The following ABHD8 variants were observed in gnomAD, a reference collection of about 807,000 sequenced individuals.
ABHD8 encodes the protein protein ABHD8.
In ABHD8, 10 loss-of-function variants were observed where a neutral mutation model predicts 29.3. The ratio of observed to expected loss-of-function variants is 0.34; its 90% CI spans 0.21 to 0.58. The LOEUF is 0.58. Ranked by LOEUF, ABHD8 falls within the 20% of genes least tolerant of loss-of-function variation. The pLI, the probability that ABHD8 is intolerant of heterozygous loss-of-function variation, is 0.85. For synonymous variants in ABHD8, 282 were observed against 274.6 expected, an observed-to-expected ratio of 1.03 and a Z score of -0.27; for missense variants, 556 against 615.3, an observed-to-expected ratio of 0.90 and a Z score of 1.02.
chr19:17,300,809 G>T, intron 2 of ABHD8, 47 bp downstream of exon 2: 1 of 1,540,334 alleles, frequency 6.5e-7, no homozygotes, highest in Non-Finnish European at 8.8e-7. Context: ...TGTAGTCCCT[G>T]CTGACCCCAT....
chr19:17,292,365 G>T lies in ABHD8; in HGVS notation c.*296C>A, dbSNP rs1007683024. On this transcript the variant is annotated 3_prime_UTR_variant, in exon 5 of 5. Transcript: ENST00000247706. ...GGGGTGGGGGGCCTGCCTTGGCCGT[G>T]GCGTTGGGGGGAAGGTGAGGGAGAG... 5.5e-5 allele frequency: 24 copies of T among 436,344 alleles called. No homozygotes were observed. Among genetic ancestry groups the T allele is most frequent in the Admixed American group, 3.0e-4 (7 of 23,128 alleles). The allele number at this position is 436,344 out of a possible 1,614,324, so 27.0% of individuals were successfully genotyped here.
At chr19:17,294,616 G>T in intron 3 of ABHD8, 59 bp downstream of exon 3, 2 of 1,607,176 alleles carry the variant, frequency 1.2e-6, no homozygotes, top group South Asian at 2.2e-5. Context: ...CATCCAACTC[G>T]AGCAGATGCC....
intron 2 of ABHD8, 53 bp downstream of exon 2, chr19:17,300,803 G>T (rs2074113763): frequency 1.3e-6 from 2 of 1,523,622 alleles, no homozygotes; most frequent in African/African-American, 2.8e-5. Flanking sequence ...TGTGACTGTA[G>T]TCCCTGCTGA....
rs1036904356 is a variant in ABHD8 at position 17,301,247 on chromosome 19, G to A, written c.370C>T (p.Pro124Ser). The A allele has an allele frequency of 6.3e-7, 1 of 1,597,120 alleles. No individual in the cohort carries two copies. The highest frequency in any genetic ancestry group is 8.5e-7 in the Non-Finnish European group (1 of 1,174,906). ...PAALEVELAD[P>S]AGSDGRLAPG... The stretch of plus-strand genomic sequence containing the variant: ...GCCAAGCGGCCATCGCTGCCCGCCG[G>A]ATCTGCCAGCTCCACCTCCAGGGCG... Residue 124 changes from proline to serine, a missense_variant, in exon 2 of 5, where the codon CCG (proline) becomes TCG (serine). Pro to Ser is a moderately conservative substitution (Grantham distance 74). Transcript: ENST00000247706.
At chr19:17,294,234 C>G in intron 4 of ABHD8, 54 bp downstream of exon 4, 1 of 1,568,652 alleles carries the variant, frequency 6.4e-7, no homozygotes, top group Non-Finnish European at 8.6e-7. Context: ...CACGCCCCTC[C>G]CGGGCAGCAC....
rs199521781 is a variant in ABHD8, at chr19:17,294,316, G to C, written c.1121C>G (p.Pro374Arg). The part of the protein sequence containing the change: ...LVHGMHDKFV[P>R]VEEDQRMAEI... ...GGCCATGCGCTGGTCTTCCTCCACC[G>C]GCACAAACTTATCGTGCATGCCGTG... The change falls in exon 4 of 5, where the codon CCG (proline) becomes CGG (arginine). Residue 374 changes from proline to arginine, a missense_variant. By Grantham distance (103) the Pro-to-Arg change is moderately radical. Transcript: ENST00000247706. 6.2e-7 allele frequency: 1 copy of C among 1,609,014 alleles called. No homozygotes were observed. Among genetic ancestry groups the C allele is most frequent in the Non-Finnish European group, 8.5e-7 (1 of 1,179,846 alleles).
At position 17,292,845 on chromosome 19, in the gene ABHD8, A is replaced by T. The variant is rs1346232334; in HGVS notation, c.1150-14T>A. On this transcript the variant is annotated splice_polypyrimidine_tract_variant and intron_variant, in intron 4 of 4. Coordinates refer to ENST00000247706, the MANE Select transcript of ABHD8 (RefSeq NM_024527.5). ...CAGGAGCAGGATCTGCAGAAGACGC[A>T]GGGCTCAAGGTAGGCGGGGGCAAGA... 4 of 1,608,224 alleles carry T rather than the reference A, an allele frequency of 2.5e-6. No individual in the cohort carries two copies. The highest frequency in any genetic ancestry group is 3.4e-6 in the Non-Finnish European group (4 of 1,176,700).
chr19:17,298,982 T>TC (rs1352480052), intron 2 of ABHD8, among the ~76,000 whole-genome samples: 1 of 152,182 alleles, frequency 6.6e-6, no homozygotes, highest in Non-Finnish European at 1.5e-5. Flanking sequence ...CCTCAAGTGA[T>TC]CTGCCTGCTT....
intron 1 of ABHD8, 113 bp from the exon 2 acceptor site, chr19:17,301,737 C>T: frequency 2.3e-6 from 3 of 1,278,426 alleles, no homozygotes; most frequent in Non-Finnish European, 3.1e-6. Flanking sequence ...GTTTGGGGAG[C>T]GCCAGATCAA....
Position 17,301,547 on chromosome 19 carries a change from G to C in ABHD8, c.70C>G (p.Leu24Val). 1 of 1,608,664 alleles carries C rather than the reference G, an allele frequency of 6.2e-7. No homozygotes were observed. The highest frequency in any genetic ancestry group is 8.5e-7 in the Non-Finnish European group (1 of 1,177,762). ...LGTPPNAVGP[L>V]ESVESSDGYT... The stretch of plus-strand genomic sequence containing the variant: ...CCATCGCTGGACTCGACGCTCTCCA[G>C]TGGCCCCACGGCGTTGGGGGGCGTG... The change falls in exon 2 of 5, where the codon CTG becomes GTG. Residue 24 changes from leucine (L) to valine (V), a missense_variant. By Grantham distance (32) the Leu-to-Val change is conservative (BLOSUM62 1). Coordinates refer to ENST00000247706, the MANE Select transcript of ABHD8 (RefSeq NM_024527.5).
At chr19:17,301,810 T>G (rs200570893) in intron 1 of ABHD8, among the ~76,000 whole-genome samples, 186 bp from the exon 2 acceptor site, 8 of 119,516 alleles carry the variant, frequency 6.7e-5, no homozygotes, top group East Asian at 2.2e-4. Flanking sequence ...GTGTGTGTGT[T>G]TTTGAGACAG....
At chr19:17,299,380 T>A (rs547277086) in intron 2 of ABHD8, among the ~76,000 whole-genome samples, 28 of 151,378 alleles carry the variant, frequency 1.8e-4, no homozygotes, top group Non-Finnish European at 3.2e-4. Context: ...GCTAACACGG[T>A]GAAACCCCGT....
chr19:17,294,229 C>G, intron 4 of ABHD8, 59 bp downstream of exon 4: 1 of 1,561,138 alleles, frequency 6.4e-7, no homozygotes, highest in Non-Finnish European at 8.6e-7. Flanking sequence ...GAGGCCACGC[C>G]CCTCCCGGGC....
intron 3 of ABHD8, 57 bp downstream of exon 3, chr19:17,294,618 G>C: frequency 6.2e-7 from 1 of 1,607,888 alleles, no homozygotes; most frequent in South Asian, 1.1e-5. Flanking sequence ...TCCAACTCGA[G>C]CAGATGCCTG....
At position 17,301,623 on chromosome 19, in the gene ABHD8, T is replaced by C; in HGVS notation, c.-7A>G. 2 of 1,533,690 alleles carry C rather than the reference T, an allele frequency of 1.3e-6. No homozygotes were observed. Among genetic ancestry groups the C allele is most frequent in the Non-Finnish European group, 1.8e-6 (2 of 1,142,532 alleles). ...CGGTCACCCCGGTCAGCATGGTGTG[T>C]CCTGTGAGTGAGGACAGCAGCCAGT... is the stretch of plus-strand genomic sequence containing the variant. On this transcript the variant is annotated splice_region_variant and 5_prime_UTR_variant, in exon 2 of 5. Transcript: ENST00000247706.
chr19:17,294,065 C>A (rs2074082414), intron 4 of ABHD8, among the ~76,000 whole-genome samples: 1 of 152,116 alleles, frequency 6.6e-6, no homozygotes, highest in Non-Finnish European at 1.5e-5. Context: ...TCCAGGGCAG[C>A]CCTGCTTTCT....
rs1399386212 is a variant in ABHD8 at position 17,292,488 on chromosome 19, G to T, written c.*173C>A. 9.6e-6 allele frequency: 7 copies of T among 731,166 alleles called. No homozygotes were observed. Among genetic ancestry groups the T allele is most frequent in the South Asian group, 7.1e-5 (3 of 42,378 alleles). 45.3% of individuals were successfully genotyped at this position (731,166 alleles called of 1,614,324 possible). A position where few individuals can be genotyped will look rare whatever the true frequency, so the allele number is the denominator to read the frequency against. ...AAGCGGAGAGCGGAATGTCCGCTGG[G>T]CTCCCTCGGATGCCACGCCCCGCCC... On this transcript the variant is annotated 3_prime_UTR_variant, in exon 5 of 5. Coordinates refer to ENST00000247706, the MANE Select transcript of ABHD8 (RefSeq NM_024527.5).
At position 17,293,694 on chromosome 19, in the gene ABHD8, T is replaced by C. The variant is rs1361724212; in HGVS notation, c.1149+594A>G. Among the ~76,000 whole-genome samples the C allele has an allele frequency of 6.6e-3, 1,008 of 151,676 alleles. 15 individuals carry two copies. The highest frequency in any genetic ancestry group is 0.023 in the African/African-American group (951 of 41,352). On this transcript the variant is annotated intron_variant, in intron 4 of 4. Coordinates refer to ENST00000247706, the MANE Select transcript of ABHD8 (RefSeq NM_024527.5). ...AGTTATACTTTAATGGTTTTTGTTT[T>C]TTTTTTTTTTTCTTTAAGAAACGGG...
intron 1 of ABHD8, 24 bp from the exon 2 acceptor site, chr19:17,301,648 T>C: frequency 1.3e-6 from 2 of 1,513,638 alleles, no homozygotes; most frequent in Non-Finnish European, 1.8e-6. Context: ...CAGCAGCCAG[T>C]TCAGGTGCTG....
Sources: allele counts gnomAD v4.1 joint callset (sites outside exome capture counted in the v4.1 genomes callset), GRCh38; gene constraint gnomAD v4.1.1; transcripts MANE v1.5; gene names NCBI Gene and HGNC (gene_info 2026-07-23, HGNC 2026-07-21).